NRG1: variants seen among roughly 807,000 people sequenced by gnomAD.
NRG1 encodes pro-neuregulin-1, membrane-bound isoform.
Under a neutral mutation model 63.8 loss-of-function variants are expected in NRG1, and 18 were observed. The ratio of observed to expected loss-of-function variants is 0.28; its 90% CI spans 0.19 to 0.42. The LOEUF is 0.42. Among genes scored for constraint, NRG1 ranks in the 10% least tolerant of loss-of-function variants. NRG1 has a pLI of 1.00. For missense variants in NRG1, 762 were observed against 814.7 expected (o/e 0.94, Z 0.79); for synonymous variants, 302 against 301.3 (o/e 1.00, Z -0.02).
At chr8:32,334,523 T>A (rs936396006) in intron 1 of NRG1, among the ~76,000 whole-genome samples, 1 of 152,178 alleles carries the variant, frequency 6.6e-6, no homozygotes, top group Non-Finnish European at 1.5e-5. Context: ...TGATTCATAG[T>A]TAAATATTTG....
At chr8:32,702,842 G>C (rs1487967448) in intron 5 of NRG1, among the ~76,000 whole-genome samples, 1 of 152,130 alleles carries the variant, frequency 6.6e-6, no homozygotes, top group Non-Finnish European at 1.5e-5. Context: ...GAGGAGTCAA[G>C]AAAATGAGGT....
At chr8:31,728,201 T>G (rs1453468245) in intron 1 of NRG1, among the ~76,000 whole-genome samples, 1 of 152,148 alleles carries the variant, frequency 6.6e-6, no homozygotes, top group African/African-American at 2.4e-5. Flanking sequence ...TGGTGGCTCA[T>G]GCCTGTAATC....
chr8:32,456,436 G>A (rs115243363), intron 1 of NRG1, among the ~76,000 whole-genome samples: 1,996 of 152,184 alleles, frequency 0.013, 34 homozygotes, highest in African/African-American at 0.045. Flanking sequence ...ACCTATACAC[G>A]GATTTTCTCC....
At chr8:32,118,818 C>G (rs4733295) in intron 1 of NRG1, among the ~76,000 whole-genome samples, 63,798 of 151,790 alleles carry the variant, frequency 0.42, 14,459 homozygotes, top group Admixed American at 0.5. Context: ...TTTCACCGTC[C>G]TTTGAAGTGT....
At chr8:32,700,734 A>G (rs1444127275) in intron 5 of NRG1, among the ~76,000 whole-genome samples, 1 of 152,244 alleles carries the variant, frequency 6.6e-6, no homozygotes, top group African/African-American at 2.4e-5. Flanking sequence ...GTAGTGTATT[A>G]TGCTAAGATA....
chr8:32,424,700 T>A (rs771752617), intron 1 of NRG1, among the ~76,000 whole-genome samples: 19 of 152,056 alleles, frequency 1.2e-4, no homozygotes, highest in Non-Finnish European at 2.5e-4. Flanking sequence ...GAAGGCCCCA[T>A]TTCTACAAAA....
chr8:32,563,564 G>A (rs1836867471), intron 1 of NRG1, among the ~76,000 whole-genome samples: 1 of 152,124 alleles, frequency 6.6e-6, no homozygotes, highest in African/African-American at 2.4e-5. Context: ...TAACTTAGTC[G>A]TCTCTCATGA....
chr8:32,142,607 G>A (rs1836405433), intron 1 of NRG1, among the ~76,000 whole-genome samples: 1 of 152,110 alleles, frequency 6.6e-6, no homozygotes, highest in Admixed American at 6.6e-5. Flanking sequence ...CAAATTGGAA[G>A]GGGCCAGAAG....
intron 1 of NRG1, among the ~76,000 whole-genome samples, chr8:31,692,233 T>C (rs1418845148): frequency 1.3e-5 from 2 of 152,222 alleles, no homozygotes; most frequent in Non-Finnish European, 2.9e-5. Context: ...TAATGAGTCA[T>C]AGAAGAATTT....
Position 32,023,249 on chromosome 8 carries a change from G to A in NRG1, c.37+383818G>A, listed in dbSNP as rs558084423. The stretch of plus-strand genomic sequence containing the variant: ...CTGAATCACACTGTTCTGATTTCCT[G>A]GAAACGCAGTTCAAGAAATGGCCAA... On this transcript the variant is annotated intron_variant, in intron 1 of 10. Coordinates refer to the NRG1 transcript ENST00000519301. Among the ~76,000 whole-genome samples the A allele has an allele frequency of 2.0e-5, 3 of 152,210 alleles. No homozygotes were observed. The East Asian group carries it at 5.8e-4, about 29-fold the overall frequency.
At chr8:32,696,689 C>T (rs542838034) in intron 5 of NRG1, among the ~76,000 whole-genome samples, 53 of 123,916 alleles carry the variant, frequency 4.3e-4, no homozygotes, top group Non-Finnish European at 7.2e-4. Context: ...GACACAGAGT[C>T]GTGCTCTTGT....
chr8:32,523,156 G>C (rs1563580799), intron 1 of NRG1, among the ~76,000 whole-genome samples: 1 of 151,952 alleles, frequency 6.6e-6, no homozygotes, highest in African/African-American at 2.4e-5. Context: ...TCAATGCCTG[G>C]GTCAAGGACC....
chr8:32,154,175 G>T (rs566247536), intron 1 of NRG1, among the ~76,000 whole-genome samples: 6 of 152,288 alleles, frequency 3.9e-5, no homozygotes, highest in Non-Finnish European at 5.9e-5. Context: ...AGATCTGCAA[G>T]CTCTGAACCA....
intron 1 of NRG1, among the ~76,000 whole-genome samples, chr8:32,104,804 G>A (rs1002511908): frequency 5.3e-5 from 8 of 152,006 alleles, no homozygotes; most frequent in South Asian, 2.1e-4. Context: ...CCTACTGGAA[G>A]GTCTTCAGGG....
At chr8:31,676,061 C>A (rs1175539571) in intron 1 of NRG1, among the ~76,000 whole-genome samples, 3 of 152,020 alleles carry the variant, frequency 2.0e-5, no homozygotes, top group Non-Finnish European at 4.4e-5. Flanking sequence ...CTTTCTAGGG[C>A]TTATTTCCAT....
chr8:31,809,858 G>T (rs1480095494), intron 1 of NRG1, among the ~76,000 whole-genome samples: 2 of 144,990 alleles, frequency 1.4e-5, no homozygotes, highest in Non-Finnish European at 3.0e-5. Context: ...TTTTTTTAGG[G>T]TCAGATCCCC....
intron 1 of NRG1, among the ~76,000 whole-genome samples, chr8:32,422,600 A>AT (rs1816825822): frequency 6.6e-6 from 1 of 150,680 alleles, no homozygotes; most frequent in Non-Finnish European, 1.5e-5. Flanking sequence ...AGATTTAGAG[A>AT]TTTTGTATCT....
chr8:31,883,982 T>A (rs1830539543), intron 1 of NRG1, among the ~76,000 whole-genome samples: 1 of 152,066 alleles, frequency 6.6e-6, no homozygotes, highest in African/African-American at 2.4e-5. Context: ...GCTTATTTCC[T>A]CTGGAGAGTG....
At chr8:32,496,153 T>A (rs927975049) in intron 1 of NRG1, among the ~76,000 whole-genome samples, 1 of 152,176 alleles carries the variant, frequency 6.6e-6, no homozygotes, top group Non-Finnish European at 1.5e-5. Context: ...CCAGACACAA[T>A]GTCAAATTTC....
Sources: gnomAD v4.1 joint callset for allele counts (sites outside exome capture counted in the v4.1 genomes callset) on GRCh38, gnomAD v4.1.1 for gene constraint, MANE v1.5 for transcripts, NCBI Gene and HGNC (gene_info 2026-07-23, HGNC 2026-07-21) for gene names.